GRIP1: variants seen among roughly 807,000 people sequenced by gnomAD.
The protein encoded by GRIP1 is glutamate receptor interacting protein 1, also known as glutamate receptor-interacting protein 1.
In GRIP1, 45 loss-of-function variants were observed where a neutral mutation model predicts 129.9. That is an observed-to-expected ratio of 0.35 (90% CI 0.27 to 0.44). The LOEUF is 0.44. Ranked by LOEUF, GRIP1 falls within the 20% of genes least tolerant of loss-of-function variation. The probability of loss-of-function intolerance (pLI) is 1.00; values close to 1 mark genes in which losing one functional copy is unlikely to be tolerated. For missense variants in GRIP1, 1,196 were observed against 1,396.8 expected (o/e 0.86, Z 2.29); for synonymous variants, 530 against 520.8 (o/e 1.02, Z -0.24).
intron 2 of GRIP1, among the ~76,000 whole-genome samples, chr12:66,578,233 T>TTTTTTA: frequency 1.4e-4 from 2 of 14,272 alleles, no homozygotes; most frequent in East Asian, 7.5e-3. Context: ...AAAACCGCGG[T>TTTTTTA]TTTTTTTTTT....
intron 1 of GRIP1, among the ~76,000 whole-genome samples, chr12:66,722,743 T>C (rs1476770248): frequency 6.6e-6 from 1 of 152,076 alleles, no homozygotes; most frequent in Non-Finnish European, 1.5e-5. Flanking sequence ...ATACAGATAA[T>C]ACATAATTAA....
At chr12:66,678,357 A>G (rs747411053) in intron 1 of GRIP1, among the ~76,000 whole-genome samples, 19 of 152,182 alleles carry the variant, frequency 1.2e-4, no homozygotes, top group Non-Finnish European at 2.5e-4. Context: ...TCTAACACAT[A>G]AAGAAATTAA....
At chr12:66,825,203 C>A (rs1382620769) in intron 1 of GRIP1, among the ~76,000 whole-genome samples, 3 of 152,208 alleles carry the variant, frequency 2.0e-5, no homozygotes, top group Non-Finnish European at 4.4e-5. Flanking sequence ...CCTTTCCTAA[C>A]AATTCATAGG....
chr12:66,634,958 G>A (rs923567782), intron 1 of GRIP1, among the ~76,000 whole-genome samples: 1 of 152,112 alleles, frequency 6.6e-6, no homozygotes, highest in Non-Finnish European at 1.5e-5. Flanking sequence ...AGACAACCTG[G>A]CATCATATTA....
intron 1 of GRIP1, among the ~76,000 whole-genome samples, chr12:66,725,418 T>A (rs896436702): frequency 6.6e-6 from 1 of 152,228 alleles, no homozygotes; most frequent in African/African-American, 2.4e-5. Flanking sequence ...CTAATGTTGA[T>A]ATTAACTTTA....
intron 1 of GRIP1, among the ~76,000 whole-genome samples, chr12:66,735,428 TAAAC>T (rs1252226551): frequency 3.9e-5 from 6 of 152,148 alleles, no homozygotes; most frequent in African/African-American, 1.4e-4. Flanking sequence ...AAGTCAATAA[TAAAC>T]ACGCTCACTA....
chr12:66,562,831 C>T (rs949569311), intron 2 of GRIP1, among the ~76,000 whole-genome samples: 1 of 152,112 alleles, frequency 6.6e-6, no homozygotes, highest in Non-Finnish European at 1.5e-5. Context: ...GGAAGCTTTA[C>T]TGACAACATA....
chr12:66,553,691 A>C (rs1470717495), intron 2 of GRIP1, among the ~76,000 whole-genome samples: 1 of 151,944 alleles, frequency 6.6e-6, no homozygotes, highest in Non-Finnish European at 1.5e-5. Context: ...TGAATTGCCG[A>C]TGCCACCCCT....
intron 1 of GRIP1, among the ~76,000 whole-genome samples, chr12:66,942,325 G>T (rs1592373067): frequency 1.3e-5 from 2 of 151,036 alleles, no homozygotes; most frequent in Non-Finnish European, 2.9e-5. Flanking sequence ...CTTCACTTAT[G>T]CTAAGTAATG....
At chr12:66,907,937 G>A (rs1228834589) in intron 1 of GRIP1, among the ~76,000 whole-genome samples, 1 of 151,924 alleles carries the variant, frequency 6.6e-6, no homozygotes, top group Non-Finnish European at 1.5e-5. Flanking sequence ...GAACAGTGTT[G>A]GATTGCCCTT....
intron 20 of GRIP1, among the ~76,000 whole-genome samples, chr12:66,378,447 G>T (rs2055923498): frequency 6.9e-6 from 1 of 144,518 alleles, no homozygotes; most frequent in Non-Finnish European, 1.5e-5. Flanking sequence ...GTGAGACCTT[G>T]TCTCAAAAAT....
intron 4 of GRIP1, among the ~76,000 whole-genome samples, chr12:66,533,507 T>G (rs12311159): frequency 0.016 from 2,410 of 152,064 alleles, 60 homozygotes; most frequent in African/African-American, 0.054. Context: ...TAGCCGGACA[T>G]AATGGTGGGC....
chr12:66,964,245 A>G (rs10878543), intron 1 of GRIP1, among the ~76,000 whole-genome samples: 1 of 151,950 alleles, frequency 6.6e-6, no homozygotes, highest in East Asian at 1.9e-4. Context: ...GCCAGGTACT[A>G]TTCTAAGTAG....
At chr12:67,010,171 T>C (rs1370162400) in intron 1 of GRIP1, among the ~76,000 whole-genome samples, 1 of 152,104 alleles carries the variant, frequency 6.6e-6, no homozygotes, top group Non-Finnish European at 1.5e-5. Context: ...ATGAAATTCA[T>C]GAGTAATACA....
At chr12:66,528,134 GTTTTTTT>G (rs59443918) in intron 5 of GRIP1, among the ~76,000 whole-genome samples, 2 of 99,244 alleles carry the variant, frequency 2.0e-5, no homozygotes, top group Non-Finnish European at 3.7e-5. Flanking sequence ...GAATTAGTAG[GTTTTTTT>G]TTTTTTTTTT....
intron 8 of GRIP1, among the ~76,000 whole-genome samples, chr12:66,464,786 G>C (rs1229241943): frequency 6.6e-6 from 1 of 151,836 alleles, no homozygotes; most frequent in Non-Finnish European, 1.5e-5. Flanking sequence ...ACTTGCTTCT[G>C]TGTGTGAAAC....
At chr12:66,876,773 T>C (rs2040390443) in intron 1 of GRIP1, among the ~76,000 whole-genome samples, 1 of 152,034 alleles carries the variant, frequency 6.6e-6, no homozygotes, top group African/African-American at 2.4e-5. Context: ...ACCACTATTG[T>C]GGGCATTTGG....
intron 1 of GRIP1, among the ~76,000 whole-genome samples, chr12:66,696,363 A>G (rs1454139133): frequency 6.6e-6 from 1 of 152,172 alleles, no homozygotes; most frequent in African/African-American, 2.4e-5. Flanking sequence ...CAATCTAAAC[A>G]TTATTAAGGA....
intron 1 of GRIP1, among the ~76,000 whole-genome samples, chr12:66,627,788 G>T (rs2030263175): frequency 6.6e-6 from 1 of 152,086 alleles, no homozygotes; most frequent in Non-Finnish European, 1.5e-5. Context: ...GAGGCCCTTT[G>T]TTGGAAATTT....
Sources: allele counts gnomAD v4.1 joint callset (sites outside exome capture counted in the v4.1 genomes callset), GRCh38; gene constraint gnomAD v4.1.1; transcripts MANE v1.5; gene names NCBI Gene and HGNC (gene_info 2026-07-23, HGNC 2026-07-21).